DIAPH2: variants seen among roughly 807,000 people sequenced by gnomAD.
DIAPH2 encodes the protein protein diaphanous homolog 2.
Under a neutral mutation model 92.7 loss-of-function variants are expected in DIAPH2, and 35 were observed. The observed-to-expected ratio is 0.38, with a 90% CI of 0.29 to 0.50. The LOEUF is 0.50. DIAPH2 is among the 20% of genes least tolerant of loss of function. The pLI is 0.94. For synonymous variants in DIAPH2, 301 were observed against 280.4 expected, an observed-to-expected ratio of 1.07 and a Z score of -0.73; for missense variants, 701 against 819.5, an observed-to-expected ratio of 0.86 and a Z score of 1.77.
intron 23 of DIAPH2, among the ~76,000 whole-genome samples, chrX:97,317,827 T>G (rs1296187425): frequency 8.9e-6 from 1 of 111,859 alleles, no homozygotes; most frequent in Admixed American, 9.6e-5. Flanking sequence ...TGATTAGAGA[T>G]TTTTTAAATT....
At chrX:96,855,110 C>A (rs1438820404) in intron 4 of DIAPH2, among the ~76,000 whole-genome samples, 1 of 110,226 alleles carries the variant, frequency 9.1e-6, no homozygotes, top group Admixed American at 9.7e-5. Flanking sequence ...TATGTTCAGT[C>A]CATCTTTCCG....
chrX:97,326,580 C>T (rs1056133107), intron 23 of DIAPH2, among the ~76,000 whole-genome samples: 3 of 111,809 alleles, frequency 2.7e-5, no homozygotes, highest in African/African-American at 6.5e-5. Flanking sequence ...ATTTTCAGCC[C>T]GTCCAGTTCT....
chrX:97,167,376 C>T (rs2067419886), intron 22 of DIAPH2, among the ~76,000 whole-genome samples: 1 of 111,720 alleles, frequency 9.0e-6, no homozygotes. Context: ...TATAAGCACA[C>T]ATTCCATTAA....
intron 23 of DIAPH2, among the ~76,000 whole-genome samples, chrX:97,311,557 C>T (rs1210018725): frequency 9.0e-6 from 1 of 110,913 alleles, no homozygotes; most frequent in Non-Finnish European, 1.9e-5. Context: ...TCAAAGCTGT[C>T]TTCTTGTGCT....
intron 22 of DIAPH2, among the ~76,000 whole-genome samples, chrX:97,233,296 C>T (rs962307729): frequency 8.0e-5 from 9 of 112,720 alleles, no homozygotes; most frequent in African/African-American, 2.3e-4. Flanking sequence ...GTTAAGAACA[C>T]ACATGAGACT....
chrX:97,421,352 G>A (rs1469068326), intron 25 of DIAPH2, among the ~76,000 whole-genome samples: 1 of 111,592 alleles, frequency 9.0e-6, no homozygotes, highest in Non-Finnish European at 1.9e-5. Flanking sequence ...TCTCAGAGAA[G>A]GGATTTTTAT....
Position 97,348,248 on chromosome X carries a change from G to C in DIAPH2, c.2977G>C (p.Gly993Arg). 8.3e-7 allele frequency: 1 copy of C among 1,207,047 alleles called. No homozygotes were observed. Among genetic ancestry groups the C allele is most frequent in the Non-Finnish European group, 1.1e-6 (1 of 893,901 alleles). The part of the protein sequence containing the change: ...SKTVSIEEFF[G>R]DLNNFRTLFL... ...GACAGTGAGCATAGAAGAGTTCTTT[G>C]GTGATCTCAACAACTTCCGAACTTT... Residue 993 changes from glycine (G) to arginine (R), a missense_variant, in exon 24 of 27, where the codon GGT (glycine) becomes CGT (arginine). Coordinates refer to ENST00000324765, the MANE Select transcript of DIAPH2 (RefSeq NM_006729.5).
chrX:96,873,637 CGT>C (rs1491438959), intron 4 of DIAPH2, among the ~76,000 whole-genome samples: 9 of 74,827 alleles, frequency 1.2e-4, no homozygotes, highest in African/African-American at 4.4e-4. Flanking sequence ...CATAGAAATG[CGT>C]ATATATATAC....
chrX:96,920,537 A>G (rs758835791), intron 9 of DIAPH2, among the ~76,000 whole-genome samples: 2 of 112,043 alleles, frequency 1.8e-5, no homozygotes, highest in South Asian at 7.6e-4. Flanking sequence ...GAATTGGTGG[A>G]AGGCACTCCA....
chrX:97,084,434 C>T (rs2066768939), intron 19 of DIAPH2, among the ~76,000 whole-genome samples: 1 of 111,219 alleles, frequency 9.0e-6, no homozygotes, highest in African/African-American at 3.3e-5. Flanking sequence ...TCAAAACTTA[C>T]AATTGAATAG....
chrX:97,194,284 AT>A (rs747413352), intron 22 of DIAPH2, among the ~76,000 whole-genome samples: 1,537 of 100,683 alleles, frequency 0.015, 28 homozygotes, highest in African/African-American at 0.038. Flanking sequence ...TATCCTAGAA[AT>A]TTTTTTTTTT....
chrX:97,179,853 A>G (rs1288296504), intron 22 of DIAPH2, among the ~76,000 whole-genome samples: 1 of 111,977 alleles, frequency 8.9e-6, no homozygotes, highest in Non-Finnish European at 1.9e-5. Flanking sequence ...CACTTTCTGC[A>G]TGGCAGCAGC....
chrX:97,356,804 A>G (rs6620266), intron 24 of DIAPH2, among the ~76,000 whole-genome samples: 1 of 111,708 alleles, frequency 9.0e-6, no homozygotes, highest in Non-Finnish European at 1.9e-5. Flanking sequence ...ATAAAAAAAA[A>G]TACCTACTAG....
intron 22 of DIAPH2, among the ~76,000 whole-genome samples, chrX:97,198,893 A>G (rs1434226481): frequency 9.0e-6 from 1 of 111,610 alleles, no homozygotes; most frequent in Non-Finnish European, 1.9e-5. Flanking sequence ...ATACTTTGTT[A>G]AGAAAGGAAA....
At chrX:97,405,758 G>T (rs150645390) in intron 25 of DIAPH2, among the ~76,000 whole-genome samples, 3 of 111,245 alleles carry the variant, frequency 2.7e-5, no homozygotes, top group African/African-American at 9.8e-5. Flanking sequence ...GTTGCCATTT[G>T]ACTGTTTTTT....
intron 23 of DIAPH2, among the ~76,000 whole-genome samples, chrX:97,321,710 C>T (rs972341672): frequency 2.7e-5 from 3 of 109,217 alleles, no homozygotes; most frequent in East Asian, 2.9e-4. Context: ...CCACCAAGCC[C>T]GGCTAATTTT....
intron 26 of DIAPH2, among the ~76,000 whole-genome samples, chrX:97,594,920 G>T (rs992559410): frequency 1.8e-5 from 2 of 111,405 alleles, no homozygotes; most frequent in Non-Finnish European, 3.8e-5. Context: ...TGTGGGGAAT[G>T]AATAATGGAC....
intron 24 of DIAPH2, among the ~76,000 whole-genome samples, chrX:97,351,179 T>C (rs997161386): frequency 8.9e-6 from 1 of 112,488 alleles, no homozygotes; most frequent in South Asian, 3.7e-4. Flanking sequence ...TCTCTGGGCA[T>C]TTGTTTCCTT....
chrX:97,090,334 T>TTTTTTTTTTTTTTTTTG lies in DIAPH2; in HGVS notation c.2248-9360_2248-9359insTTTTTTTTTTTTTTTTG, dbSNP rs1242933185. Among the ~76,000 whole-genome samples, 2 of 65,237 alleles carry TTTTTTTTTTTTTTTTTG rather than the reference T, an allele frequency of 3.1e-5. 1 individual carries two copies. Among genetic ancestry groups the TTTTTTTTTTTTTTTTTG allele is most frequent in the African/African-American group, 1.4e-4 (2 of 14,793 alleles). 56.7% of individuals were successfully genotyped at this position (65,237 alleles called of 115,157 possible). A position where few individuals can be genotyped will look rare whatever the true frequency, so the allele number is the denominator to read the frequency against. ...TTTTTTTTTTTTTTTTTTTTTTTTTTGAGAAAGAGCTCTGGGGCAGTGGGC... is the reference window on the plus strand; with the variant it reads ...TTTTTTTTTTTTTTTTTTTTTTTTTTTTTTTTTTTTTTTTTTGGAGAAAGAGCTCTGGGGCAGTGGGC... On this transcript the variant is annotated intron_variant, in intron 19 of 26. Coordinates refer to ENST00000324765, the MANE Select transcript of DIAPH2 (RefSeq NM_006729.5).
Sources: gnomAD v4.1 joint callset for allele counts (sites outside exome capture counted in the v4.1 genomes callset) on GRCh38, gnomAD v4.1.1 for gene constraint, MANE v1.5 for transcripts, NCBI Gene and HGNC (gene_info 2026-07-23, HGNC 2026-07-21) for gene names.